The following CSMD1 variants were observed in gnomAD, a reference collection of about 807,000 sequenced individuals.
CSMD1 encodes the protein CUB and Sushi multiple domains 1, also known as CUB and sushi domain-containing protein 1.
A neutral mutation model predicts 417.5 loss-of-function variants in CSMD1; 213 were observed. The ratio of observed to expected loss-of-function variants is 0.51; its 90% CI spans 0.46 to 0.57. The LOEUF (loss-of-function observed/expected upper bound fraction) is 0.57, where lower values mean the gene tolerates loss of function less well. CSMD1 is among the 20% of genes least tolerant of loss of function. CSMD1 has a pLI of 0.00. For synonymous variants in CSMD1, 2,862 were observed against 1,736.8 expected, an observed-to-expected ratio of 1.65 and a Z score of -16.11; for missense variants, 6,923 against 4,529.7, an observed-to-expected ratio of 1.53 and a Z score of -15.17.
chr8:4,220,112 G>C (rs374031337), intron 3 of CSMD1, among the ~76,000 whole-genome samples: 68 of 152,224 alleles, frequency 4.5e-4, no homozygotes, highest in African/African-American at 1.5e-3. Flanking sequence ...ACCATGCCCA[G>C]CTGATTTTTT....
At chr8:4,286,373 A>G (rs1229823382) in intron 3 of CSMD1, among the ~76,000 whole-genome samples, 1 of 152,130 alleles carries the variant, frequency 6.6e-6, no homozygotes, top group Non-Finnish European at 1.5e-5. Flanking sequence ...TGTTAGTTCA[A>G]AACTACAGTC....
chr8:3,183,933 C>A (rs894506281), intron 36 of CSMD1, among the ~76,000 whole-genome samples: 2 of 152,116 alleles, frequency 1.3e-5, no homozygotes, highest in African/African-American at 4.8e-5. Context: ...TTTTTTTGAG[C>A]CTGATCTTTT....
chr8:3,184,746 G>A lies in CSMD1; in HGVS notation c.5620+3123C>T, dbSNP rs571853852. 5.3e-5 allele frequency among the ~76,000 whole-genome samples: 8 copies of A among 152,284 alleles called. No individual in the cohort carries two copies. In the South Asian group the frequency reaches 1.7e-3, roughly 32 times the overall value. On this transcript the variant is annotated intron_variant, in intron 36 of 69. Transcript: ENST00000635120. The stretch of plus-strand genomic sequence containing the variant: ...GGGAAATTTAATCTTTACCATGGCT[G>A]GGAATTCCTTTCCTGCCTCAGGATA...
At chr8:3,181,235 A>G in intron 36 of CSMD1, 21 bp from the exon 37 acceptor site, 1 of 1,501,210 alleles carries the variant, frequency 6.7e-7, no homozygotes, top group Non-Finnish European at 9.3e-7. Flanking sequence ...CAATGCAGAT[A>G]GAATTGTAAC....
intron 55 of CSMD1, 33 bp from the exon 56 acceptor site, chr8:2,974,657 C>A (rs754297027): frequency 8.7e-6 from 13 of 1,498,264 alleles, no homozygotes; most frequent in Admixed American, 2.1e-5. Flanking sequence ...TTGAGTACAT[C>A]CTTCCAGTTA....
chr8:4,986,785 G>A (rs1385146518), intron 1 of CSMD1, among the ~76,000 whole-genome samples: 1 of 152,002 alleles, frequency 6.6e-6, no homozygotes, highest in Non-Finnish European at 1.5e-5. Context: ...TGATGATAAA[G>A]AAGAAATCTT....
intron 7 of CSMD1, among the ~76,000 whole-genome samples, chr8:3,623,904 G>C (rs1172588811): frequency 2.0e-5 from 3 of 152,046 alleles, no homozygotes; most frequent in Non-Finnish European, 4.4e-5. Context: ...TTGAACCCGG[G>C]AGGCGGAGTT....
chr8:4,142,845 G>C lies in CSMD1; in HGVS notation c.416-110746C>G, dbSNP rs925171057. ...GAGGAAAATGATTTCTTAAATTGTT[G>C]TGCTGTTTCTAATATCATCATTTGA... On this transcript the variant is annotated intron_variant, in intron 3 of 69. Transcript: ENST00000635120. 2.8e-4 allele frequency among the ~76,000 whole-genome samples: 43 copies of C among 151,166 alleles called. 3 individuals carry two copies. The highest frequency in any genetic ancestry group is 1.1e-3 in the African/African-American group (43 of 40,540).
At chr8:4,120,188 G>A (rs901519200) in intron 3 of CSMD1, among the ~76,000 whole-genome samples, 1 of 152,010 alleles carries the variant, frequency 6.6e-6, no homozygotes, top group Non-Finnish European at 1.5e-5. Flanking sequence ...TACACCTATT[G>A]TGTATCCACA....
At chr8:3,290,034 T>C (rs1350545035) in intron 25 of CSMD1, among the ~76,000 whole-genome samples, 1 of 147,406 alleles carries the variant, frequency 6.8e-6, no homozygotes, top group Non-Finnish European at 1.5e-5. Context: ...CAGTTTCAGC[T>C]TTCTACATAT....
At chr8:3,969,300 T>G (rs764873456) in intron 5 of CSMD1, among the ~76,000 whole-genome samples, 23 of 152,200 alleles carry the variant, frequency 1.5e-4, no homozygotes, top group African/African-American at 5.3e-4. Flanking sequence ...TGAGGCTGGG[T>G]GGAGAAAGGG....
At chr8:4,875,575 T>C (rs528537929) in intron 1 of CSMD1, among the ~76,000 whole-genome samples, 7 of 152,098 alleles carry the variant, frequency 4.6e-5, no homozygotes, top group Admixed American at 6.5e-5. Context: ...CTTGTCACCA[T>C]GATTCGAAGC....
intron 5 of CSMD1, among the ~76,000 whole-genome samples, chr8:3,794,868 A>G (rs1465280348): frequency 1.7e-5 from 1 of 59,406 alleles, no homozygotes; most frequent in Admixed American, 1.9e-4. Flanking sequence ...CAATTTACCA[A>G]TGATCTCTCT....
At chr8:4,423,766 C>A (rs528700902) in intron 2 of CSMD1, among the ~76,000 whole-genome samples, 3 of 151,836 alleles carry the variant, frequency 2.0e-5, no homozygotes, top group African/African-American at 7.2e-5. Context: ...AAACATTTTG[C>A]GAGAGAAGAA....
intron 5 of CSMD1, among the ~76,000 whole-genome samples, chr8:3,948,803 C>G (rs1392516456): frequency 6.7e-6 from 1 of 149,688 alleles, no homozygotes; most frequent in Admixed American, 6.7e-5. Context: ...GTTTTACTAC[C>G]CAGTTATCAT....
chr8:4,222,063 A>G (rs138185964), intron 3 of CSMD1, among the ~76,000 whole-genome samples: 1 of 151,712 alleles, frequency 6.6e-6, no homozygotes, highest in Non-Finnish European at 1.5e-5. Context: ...AAAGGCCATC[A>G]ATGACTTAGA....
chr8:3,563,966 G>A (rs1360236322), intron 10 of CSMD1, among the ~76,000 whole-genome samples: 2 of 151,998 alleles, frequency 1.3e-5, no homozygotes, highest in Admixed American at 6.6e-5. Context: ...ATTCTTTTGG[G>A]TACATTCTGA....
rs564601589 is a variant in CSMD1, at chr8:3,003,444, T to A, written c.8030-3313A>T. On this transcript the variant is annotated intron_variant, in intron 52 of 69. Coordinates refer to ENST00000635120, the MANE Select transcript of CSMD1 (RefSeq NM_033225.6). ...TAATCAAGTTCATGCTTCTCTGCTG[T>A]GTCTCTACCATATCAGTCACACACT... Among the ~76,000 whole-genome samples the A allele has an allele frequency of 8.4e-4, 128 of 152,344 alleles. 1 individual carries two copies. In the South Asian group the frequency reaches 0.025, roughly 30 times the overall value.
chr8:3,094,732 A>G (rs1815177606), intron 47 of CSMD1, among the ~76,000 whole-genome samples: 1 of 151,772 alleles, frequency 6.6e-6, no homozygotes, highest in Non-Finnish European at 1.5e-5. Flanking sequence ...TTGAGATAAT[A>G]AAGTATAAAA....
Sources: gnomAD v4.1 joint callset for allele counts (sites outside exome capture counted in the v4.1 genomes callset) on GRCh38, gnomAD v4.1.1 for gene constraint, MANE v1.5 for transcripts, NCBI Gene and HGNC (gene_info 2026-07-23, HGNC 2026-07-21) for gene names.